The following PODXL variants were observed in gnomAD, a reference collection of about 807,000 sequenced individuals.
The protein encoded by PODXL is podocalyxin like, also known as podocalyxin.
PODXL carries 20 observed loss-of-function variants against 48.9 expected under a neutral mutation model. The ratio of observed to expected loss-of-function variants is 0.41; its 90% CI spans 0.29 to 0.59. The LOEUF is 0.59. Ranked by LOEUF, PODXL falls within the 20% of genes least tolerant of loss-of-function variation. The pLI is 0.31. For missense variants in PODXL, 606 were observed against 675.1 expected (o/e 0.90, Z 1.13); for synonymous variants, 295 against 287.4 (o/e 1.03, Z -0.27).
rs541929315 is a variant in PODXL at position 131,535,280 on chromosome 7, T to C, written c.100+20980A>G. Among the ~76,000 whole-genome samples the C allele has an allele frequency of 1.1e-4, 16 of 152,210 alleles. No individual in the cohort carries two copies. The East Asian group carries it at 2.7e-3, about 26-fold the overall frequency. ...TGATAGGAGCAGGTGCATGACAGTG[T>C]GAAGAAGGTACTTAATGCCACTGAA... On this transcript the variant is annotated intron_variant, in intron 1 of 8. Transcript: ENST00000378555.
Position 131,501,586 on chromosome 7 carries a change from G to T in PODXL, c.*2725C>A, listed in dbSNP as rs978259289. On this transcript the variant is annotated 3_prime_UTR_variant, in exon 9 of 9. Transcript: ENST00000378555. ...TGCCTGTCTCCCCACTCTCATGACA[G>T]TAGGCTTCCTAGTCATCATACTTGT... The T allele has an allele frequency of 6.6e-6, 1 of 152,192 alleles. No individual in the cohort carries two copies. The highest frequency in any genetic ancestry group is 6.5e-5 in the Admixed American group (1 of 15,270). 9.4% of individuals were successfully genotyped at this position (152,192 alleles called of 1,614,324 possible).
chr7:131,547,021 G>T (rs377102804), intron 1 of PODXL, among the ~76,000 whole-genome samples: 1 of 152,204 alleles, frequency 6.6e-6, no homozygotes, highest in Non-Finnish European at 1.5e-5. Context: ...ATGGCGTTGG[G>T]GGTGGGGTAA....
At chr7:131,547,870 G>T in intron 1 of PODXL, among the ~76,000 whole-genome samples, 1 of 152,196 alleles carries the variant, frequency 6.6e-6, no homozygotes, top group East Asian at 1.9e-4. Flanking sequence ...AGAGCTCATA[G>T]CCAAACCCCT....
chr7:131,506,232 C>G (rs763525547), intron 7 of PODXL, 28 bp downstream of exon 7: 15 of 1,611,788 alleles, frequency 9.3e-6, no homozygotes, highest in African/African-American at 1.3e-5. Context: ...CGGAGCCACT[C>G]TGTCCCCACA....
intron 1 of PODXL, 59 bp downstream of exon 1, chr7:131,556,201 C>T (rs1798739823): frequency 1.4e-6 from 2 of 1,381,792 alleles, no homozygotes; most frequent in East Asian, 3.0e-5. Context: ...GCAGCTCGGC[C>T]GGGCAGGGGG....
chr7:131,528,549 A>G (rs574501438), intron 1 of PODXL, among the ~76,000 whole-genome samples: 2 of 152,338 alleles, frequency 1.3e-5, no homozygotes, highest in African/African-American at 2.4e-5. Flanking sequence ...CAAGTTCCCA[A>G]AAGATTCTGA....
chr7:131,506,671 G>T lies in PODXL; in HGVS notation c.1157C>A (p.Ala386Asp). 6.2e-7 allele frequency: 1 copy of T among 1,614,170 alleles called. No individual in the cohort carries two copies. Among genetic ancestry groups the T allele is most frequent in the Non-Finnish European group, 8.5e-7 (1 of 1,180,008 alleles). Residue 386 changes from alanine to aspartate, a missense_variant, in exon 6 of 9, where the codon GCC (alanine) becomes GAC (aspartate). Coordinates refer to ENST00000378555, the MANE Select transcript of PODXL (RefSeq NM_001018111.3). ...LISLICRAVK[A>D]TFNPAQDKCG... Reference sequence around the variant, plus strand: ...CTTATCTTGGGCCGGGTTGAAGGTGGCTTTGACTGCTCGGCATATCAGTGA... The same window carrying T: ...CTTATCTTGGGCCGGGTTGAAGGTGTCTTTGACTGCTCGGCATATCAGTGA...
chr7:131,501,850 G>C lies in PODXL; in HGVS notation c.*2461C>G, dbSNP rs1797708622. On this transcript the variant is annotated 3_prime_UTR_variant, in exon 9 of 9. Transcript: ENST00000378555. ...TTGGCCTGTTGACATAGGTGTCCTGGTGGCAAGAGCAAGGCAAGGTGTCAG... is the reference window on the plus strand; with the variant it reads ...TTGGCCTGTTGACATAGGTGTCCTGCTGGCAAGAGCAAGGCAAGGTGTCAG... 6.6e-6 allele frequency: 1 copy of C among 152,270 alleles called. No individual in the cohort carries two copies. Among genetic ancestry groups the C allele is most frequent in the Non-Finnish European group, 1.5e-5 (1 of 68,134 alleles). 9.4% of individuals were successfully genotyped at this position (152,270 alleles called of 1,614,324 possible). A position where few individuals can be genotyped will look rare whatever the true frequency, so the allele number is the denominator to read the frequency against.
At chr7:131,528,342 A>G (rs1303530795) in intron 1 of PODXL, among the ~76,000 whole-genome samples, 2 of 152,234 alleles carry the variant, frequency 1.3e-5, no homozygotes, top group Non-Finnish European at 2.9e-5. Context: ...TATAGATAGA[A>G]AAAAGGAGAA....
intron 2 of PODXL, 141 bp from the exon 3 acceptor site, chr7:131,510,472 C>T (rs540802302): frequency 7.9e-4 from 218 of 277,190 alleles, no homozygotes; most frequent in African/African-American, 4.6e-3. Context: ...ATCATGCCAC[C>T]GCACTCCAGC....
intron 1 of PODXL, among the ~76,000 whole-genome samples, chr7:131,539,909 C>G (rs1798447437): frequency 6.6e-6 from 1 of 152,174 alleles, no homozygotes; most frequent in African/African-American, 2.4e-5. Flanking sequence ...GCAGTTTATC[C>G]TCATGACTGT....
At chr7:131,539,455 TG>T (rs550593999) in intron 1 of PODXL, among the ~76,000 whole-genome samples, 8 of 152,252 alleles carry the variant, frequency 5.3e-5, no homozygotes, top group South Asian at 2.1e-4. Context: ...CTCAGTCTCC[TG>T]GGTAGCTGGG....
At chr7:131,528,412 T>A (rs1798221228) in intron 1 of PODXL, among the ~76,000 whole-genome samples, 1 of 152,172 alleles carries the variant, frequency 6.6e-6, no homozygotes, top group Admixed American at 6.5e-5. Flanking sequence ...GTGAACCTCT[T>A]AGAAAAGAGG....
intron 1 of PODXL, among the ~76,000 whole-genome samples, chr7:131,513,367 C>G (rs1797946702): frequency 6.6e-6 from 1 of 152,152 alleles, no homozygotes; most frequent in Non-Finnish European, 1.5e-5. Context: ...AGAAGAGAAT[C>G]TAAGGTGATT....
At chr7:131,523,610 C>A (rs528499399) in intron 1 of PODXL, among the ~76,000 whole-genome samples, 25 of 122,760 alleles carry the variant, frequency 2.0e-4, no homozygotes, top group Non-Finnish European at 2.6e-4. Context: ...TGAACCCAGG[C>A]GGAGCTTGCA....
At chr7:131,530,019 A>T (rs942326281) in intron 1 of PODXL, among the ~76,000 whole-genome samples, 1 of 151,210 alleles carries the variant, frequency 6.6e-6, no homozygotes, top group African/African-American at 2.4e-5. Flanking sequence ...CAACCCTAAC[A>T]CTCATTTTTC....
intron 3 of PODXL, 123 bp from the exon 4 acceptor site, chr7:131,509,708 G>C: frequency 1.6e-6 from 1 of 608,284 alleles, no homozygotes; most frequent in East Asian, 2.9e-5. Context: ...AGAGACGGAA[G>C]AAGTGGACTC....
At chr7:131,506,349 G>T in intron 6 of PODXL, 28 bp from the exon 7 acceptor site, 1 of 1,612,822 alleles carries the variant, frequency 6.2e-7, no homozygotes, top group Non-Finnish European at 8.5e-7. Flanking sequence ...GATGCCCAAT[G>T]GCCCAGCCCA....
At chr7:131,534,789 C>G (rs905597950) in intron 1 of PODXL, among the ~76,000 whole-genome samples, 1 of 152,172 alleles carries the variant, frequency 6.6e-6, no homozygotes, top group Non-Finnish European at 1.5e-5. Flanking sequence ...GTGGCTCACA[C>G]CTGAAATCCC....
Sources: allele counts gnomAD v4.1 joint callset (sites outside exome capture counted in the v4.1 genomes callset), GRCh38; gene constraint gnomAD v4.1.1; transcripts MANE v1.5; gene names NCBI Gene and HGNC (gene_info 2026-07-23, HGNC 2026-07-21).